Variants in DYNC1LI2 observed in about 807,000 individuals in gnomAD.
The protein encoded by DYNC1LI2 is cytoplasmic dynein 1 light intermediate chain 2.
DYNC1LI2 carries 19 observed loss-of-function variants against 57.8 expected under a neutral mutation model. The ratio of observed to expected loss-of-function variants is 0.33; its 90% CI spans 0.23 to 0.48. The LOEUF (loss-of-function observed/expected upper bound fraction) is 0.48, where lower values mean the gene tolerates loss of function less well. Ranked by LOEUF, DYNC1LI2 falls within the 20% of genes least tolerant of loss-of-function variation. The pLI is 0.99. For missense variants in DYNC1LI2, 470 were observed against 604.2 expected (o/e 0.78, Z 2.33); for synonymous variants, 256 against 233.4 (o/e 1.10, Z -0.88).
At chr16:66,734,092 A>G in intron 6 of DYNC1LI2, 126 bp downstream of exon 6, 1 of 781,862 alleles carries the variant, frequency 1.3e-6, no homozygotes, top group Non-Finnish European at 2.0e-6. Context: ...AACCTAGTAA[A>G]AAGATATATA....
intron 4 of DYNC1LI2, among the ~76,000 whole-genome samples, chr16:66,740,190 C>G (rs1345063394): frequency 2.0e-5 from 3 of 152,192 alleles, no homozygotes; most frequent in African/African-American, 7.2e-5. Context: ...TGCAGCCAAA[C>G]AGCTGCCACA....
In DYNC1LI2 at chr16:66,729,033, T is replaced by C. The variant is rs746376933; in HGVS notation, c.1101+7A>G. The stretch of plus-strand genomic sequence containing the variant: ...GGCCTCTGTTCTAACCTCACTGGTC[T>C]TCTTACCTGTTGCTTCATTAGGAAC... On this transcript the variant is annotated splice_region_variant and intron_variant, in intron 9 of 12. Coordinates refer to ENST00000258198, the MANE Select transcript of DYNC1LI2 (RefSeq NM_006141.3). The C allele has an allele frequency of 3.7e-6, 6 of 1,614,056 alleles. No homozygotes were observed. The highest frequency in any genetic ancestry group is 5.1e-6 in the Non-Finnish European group (6 of 1,180,020).
intron 12 of DYNC1LI2, among the ~76,000 whole-genome samples, chr16:66,725,297 T>A (rs931646228): frequency 6.6e-6 from 1 of 150,968 alleles, no homozygotes; most frequent in African/African-American, 2.4e-5. Flanking sequence ...CTGGCCAACA[T>A]GATGAAACCA....
chr16:66,736,116 T>A lies in DYNC1LI2; in HGVS notation c.658A>T (p.Thr220Ser). 1 of 1,613,824 alleles carries A rather than the reference T, an allele frequency of 6.2e-7. No homozygotes were observed. Among genetic ancestry groups the A allele is most frequent in the South Asian group, 1.1e-5 (1 of 91,034 alleles). The change falls in exon 5 of 13, where the codon ACT (threonine) becomes TCT (serine). Residue 220 changes from threonine to serine, a missense_variant. Physicochemically the swap from Thr to Ser is moderately conservative, Grantham distance 58 (BLOSUM62 1). Coordinates refer to ENST00000258198, the MANE Select transcript of DYNC1LI2 (RefSeq NM_006141.3). ...AACACCGGGATCCCCAGGTTATGAG[T>A]CAGCACATTGTCACCCAGAGGCAGG... ...VALPLGDNVL[T>S]HNLGIPVLVV... is the part of the protein sequence containing the mutation.
intron 3 of DYNC1LI2, among the ~76,000 whole-genome samples, chr16:66,747,571 T>A (rs901417133): frequency 7.0e-6 from 1 of 143,772 alleles, no homozygotes; most frequent in Non-Finnish European, 1.5e-5. Context: ...AGAAAGTAAT[T>A]TTTTTTTTTT....
chr16:66,723,957 C>T, intron 12 of DYNC1LI2, 135 bp from the exon 13 acceptor site: 2 of 731,566 alleles, frequency 2.7e-6, no homozygotes, highest in Non-Finnish European at 4.3e-6. Context: ...TGAGGAAAGC[C>T]CTTTTCTACT....
chr16:66,723,075 C>G lies in DYNC1LI2; in HGVS notation c.*647G>C. The G allele has an allele frequency of 6.0e-6, 2 of 335,838 alleles. No homozygotes were observed. The highest frequency in any genetic ancestry group is 4.8e-5 in the South Asian group (2 of 41,378). The allele number at this position is 335,838 out of a possible 1,614,324, so 20.8% of individuals were successfully genotyped here. A position where few individuals can be genotyped will look rare whatever the true frequency, so the allele number is the denominator to read the frequency against. On this transcript the variant is annotated 3_prime_UTR_variant, in exon 13 of 13. Coordinates refer to ENST00000258198, the MANE Select transcript of DYNC1LI2 (RefSeq NM_006141.3). ...CAGCTCCGCCTGACTCAGGCACCCC[C>G]ACAATTAGTACATCTTTCGTAAGTT...
intron 3 of DYNC1LI2, among the ~76,000 whole-genome samples, chr16:66,743,365 C>T (rs1009435403): frequency 6.6e-6 from 1 of 151,808 alleles, no homozygotes; most frequent in Non-Finnish European, 1.5e-5. Context: ...AGTTCAAGAC[C>T]GGCCTGGCCA....
intron 5 of DYNC1LI2, among the ~76,000 whole-genome samples, chr16:66,735,248 C>A (rs1471634048): frequency 6.6e-6 from 1 of 151,478 alleles, no homozygotes; most frequent in East Asian, 2.0e-4. Flanking sequence ...ATGACAGGCA[C>A]CTGCCACCAC....
rs781748916 is a variant in DYNC1LI2, at chr16:66,742,568, G to C, written c.399C>G (p.Val133=). 6 of 1,614,080 alleles carry C rather than the reference G, an allele frequency of 3.7e-6. No individual in the cohort carries two copies. In the African/African-American group the frequency reaches 8.0e-5, roughly 22 times the overall value. ...VSAESLPETL[V]IFVADMSRPW... Reference sequence around the variant, plus strand: ...GTCTAGACATGTCTGCAACAAAAATGACGAGGGTCTCTGGCAAGGATTCAG... The same window carrying C: ...GTCTAGACATGTCTGCAACAAAAATCACGAGGGTCTCTGGCAAGGATTCAG... The change falls in exon 4 of 13, where the codon GTC becomes GTG. Residue 133 remains valine, a synonymous_variant. Transcript: ENST00000258198.
rs1351711946 is a variant in DYNC1LI2 at position 66,750,646 on chromosome 16, T to TAACAC, written c.181+626_181+627insGTGTT. 2.5e-4 allele frequency among the ~76,000 whole-genome samples: 38 copies of TAACAC among 152,260 alleles called. No individual in the cohort carries two copies. In the East Asian group the frequency reaches 7.1e-3, roughly 29 times the overall value. ...CCAGACTGAGATTCTTCTATAGTGT[T>TAACAC]TAAGAGTCGCCTATGCTGAGCCTGT... On this transcript the variant is annotated intron_variant, in intron 2 of 12. Transcript: ENST00000258198.
chr16:66,726,012 T>C, intron 11 of DYNC1LI2, 68 bp from the exon 12 acceptor site: 1 of 1,536,200 alleles, frequency 6.5e-7, no homozygotes, highest in Non-Finnish European at 8.8e-7. Context: ...ACACCCTAGT[T>C]CTCAGCTTGG....
intron 4 of DYNC1LI2, chr16:66,738,224 T>C (rs1322800471): frequency 1.3e-5 from 2 of 151,418 alleles, no homozygotes; most frequent in Admixed American, 6.6e-5. Flanking sequence ...AGATGTGATA[T>C]TTCATCTCTA....
At chr16:66,744,499 A>T (rs575438674) in intron 3 of DYNC1LI2, among the ~76,000 whole-genome samples, 2 of 152,148 alleles carry the variant, frequency 1.3e-5, no homozygotes, top group Non-Finnish European at 2.9e-5. Flanking sequence ...TTCCAAATGA[A>T]TACCAGGATG....
At chr16:66,738,602 C>G (rs371712999) in intron 4 of DYNC1LI2, among the ~76,000 whole-genome samples, 1 of 151,924 alleles carries the variant, frequency 6.6e-6, no homozygotes, top group Non-Finnish European at 1.5e-5. Context: ...TCAGGCTAAA[C>G]GCGATGGCTT....
Position 66,742,455 on chromosome 16 carries a change from C to T in DYNC1LI2, c.512G>A (p.Arg171Lys), listed in dbSNP as rs1567455735. Residue 171 changes from arginine (R) to lysine (K), a missense_variant, in exon 4 of 13, where the codon AGG becomes AAG. Physicochemically the swap from Arg to Lys is conservative, Grantham distance 26 (BLOSUM62 2). Transcript: ENST00000258198. ...DKMKIPPEKMRELERKFVKDF... is the reference protein window; with the variant it reads ...DKMKIPPEKMKELERKFVKDF... ...TTACTCACACTTCCGTTCCAGCTCC[C>T]TCATTTTTTCTGGTGGAATTTTCAT... 1.2e-6 allele frequency: 2 copies of T among 1,613,960 alleles called. No homozygotes were observed. The highest frequency in any genetic ancestry group is 3.3e-5 in the Admixed American group (2 of 59,994).
chr16:66,730,304 G>A, intron 7 of DYNC1LI2, 81 bp from the exon 8 acceptor site: 2 of 1,192,182 alleles, frequency 1.7e-6, no homozygotes, highest in South Asian at 1.5e-5. Flanking sequence ...AGGACTCCTG[G>A]GTAGGACACT....
intron 3 of DYNC1LI2, among the ~76,000 whole-genome samples, chr16:66,745,047 T>G (rs889913149): frequency 3.3e-5 from 5 of 152,002 alleles, no homozygotes; most frequent in African/African-American, 1.2e-4. Context: ...TAGCTGGGAT[T>G]ACAGGAGTGC....
chr16:66,740,115 A>T (rs553332899), intron 4 of DYNC1LI2, among the ~76,000 whole-genome samples: 3 of 152,218 alleles, frequency 2.0e-5, no homozygotes, highest in Non-Finnish European at 2.9e-5. Context: ...AGAAGACTAA[A>T]GTACAAAAAA....
Sources: allele counts gnomAD v4.1 joint callset (sites outside exome capture counted in the v4.1 genomes callset), GRCh38; gene constraint gnomAD v4.1.1; transcripts MANE v1.5; gene names NCBI Gene and HGNC (gene_info 2026-07-23, HGNC 2026-07-21).